MYO7A: variants seen among roughly 807,000 people sequenced by gnomAD.
MYO7A encodes the protein unconventional myosin-VIIa.
Under a neutral mutation model 263.8 loss-of-function variants are expected in MYO7A, and 210 were observed. The ratio of observed to expected loss-of-function variants is 0.80; its 90% CI spans 0.71 to 0.89. The LOEUF is 0.89. MYO7A is among the 40% of genes least tolerant of loss of function. The pLI, the probability that MYO7A is intolerant of heterozygous loss-of-function variation, is 0.00. For synonymous variants in MYO7A, 1,239 were observed against 1,197.3 expected, an observed-to-expected ratio of 1.03 and a Z score of -0.72; for missense variants, 2,820 against 2,968.3, an observed-to-expected ratio of 0.95 and a Z score of 1.16.
intron 35 of MYO7A, among the ~76,000 whole-genome samples, chr11:77,200,292 C>T (rs1348159866): frequency 6.6e-6 from 1 of 151,230 alleles, no homozygotes; most frequent in Admixed American, 6.6e-5. Flanking sequence ...AGAAAAGAAA[C>T]AAAGAGAAAA....
At chr11:77,143,455 G>C (rs1379884953) in intron 3 of MYO7A, among the ~76,000 whole-genome samples, 3 of 152,144 alleles carry the variant, frequency 2.0e-5, no homozygotes, top group African/African-American at 7.2e-5. Flanking sequence ...CAGAAGGAAA[G>C]GGACCCCAGA....
intron 2 of MYO7A, 145 bp downstream of exon 2, chr11:77,130,797 C>A: frequency 1.1e-6 from 1 of 902,014 alleles, no homozygotes; most frequent in Admixed American, 2.1e-5. Flanking sequence ...CAGGCTGAGG[C>A]CTAGTCTGAA....
chr11:77,205,367 G>C (rs1957373402), intron 39 of MYO7A, 95 bp from the exon 40 acceptor site: 1 of 1,416,180 alleles, frequency 7.1e-7, no homozygotes, highest in African/African-American at 1.4e-5. Context: ...GTGATGAGCA[G>C]CTGAGGGGTA....
intron 8 of MYO7A, among the ~76,000 whole-genome samples, 197 bp from the exon 9 acceptor site, chr11:77,158,080 T>C (rs1952665317): frequency 6.6e-6 from 1 of 152,162 alleles, no homozygotes; most frequent in South Asian, 2.1e-4. Flanking sequence ...AATGAGTTCC[T>C]GGGAAGCCCA....
chr11:77,211,672 G>A (rs1957887022), intron 45 of MYO7A, 149 bp from the exon 46 acceptor site: 2 of 640,598 alleles, frequency 3.1e-6, no homozygotes, highest in Admixed American at 5.5e-5. Context: ...CAGTCCCCAG[G>A]TCTGCTGTCC....
chr11:77,163,266 A>C (rs1953189620), intron 14 of MYO7A, among the ~76,000 whole-genome samples: 1 of 151,494 alleles, frequency 6.6e-6, no homozygotes, highest in African/African-American at 2.4e-5. Flanking sequence ...TCCTTCCCCT[A>C]CCCCCGGCCC....
At chr11:77,166,029 G>T (rs782135827) in intron 14 of MYO7A, 27 bp from the exon 15 acceptor site, 3 of 1,570,098 alleles carry the variant, frequency 1.9e-6, no homozygotes, top group Non-Finnish European at 2.6e-6. Context: ...GAGCTGGTGA[G>T]AGGTGACTGC....
rs370036829 is a variant in MYO7A, at chr11:77,190,730, G to A, written c.3784G>A (p.Val1262Met). ...TKSKKPIMLP[V>M]TFMDGTTKTL... ...GTCCAAGAAGCCAATCATGTTGCCCGTGACATTCATGGATGGGACCACCAA... is the reference window on the plus strand; with the variant it reads ...GTCCAAGAAGCCAATCATGTTGCCCATGACATTCATGGATGGGACCACCAA... The change falls in exon 30 of 49, where the codon GTG becomes ATG. Residue 1262 changes from valine to methionine, a missense_variant. Coordinates refer to ENST00000409709, the MANE Select transcript of MYO7A (RefSeq NM_000260.4). The A allele has an allele frequency of 3.8e-5, 60 of 1,598,962 alleles. No individual in the cohort carries two copies. The highest frequency in any genetic ancestry group is 3.3e-4 in the Middle Eastern group (2 of 6,046).
At chr11:77,195,000 A>C (rs1468365513) in intron 32 of MYO7A, among the ~76,000 whole-genome samples, 1 of 152,010 alleles carries the variant, frequency 6.6e-6, no homozygotes, top group Non-Finnish European at 1.5e-5. Context: ...GGCCAGGTAG[A>C]GCAGGGGTAT....
At position 77,155,906 on chromosome 11, in the gene MYO7A, G is replaced by T; in HGVS notation, c.286-1G>T. On this transcript the variant is annotated splice_acceptor_variant, in intron 4 of 48. Transcript: ENST00000409709. LOFTEE classifies it high-confidence loss of function. ...AGCTCCCCATCTCTTGCTGCCCGCA[G>T]ACGTATACGGGCTCCATCCTGGTGG... 6.3e-7 allele frequency: 1 copy of T among 1,593,564 alleles called. No individual in the cohort carries two copies.
intron 3 of MYO7A, among the ~76,000 whole-genome samples, chr11:77,146,455 G>A (rs533967823): frequency 2.6e-5 from 4 of 152,288 alleles, no homozygotes; most frequent in African/African-American, 9.6e-5. Context: ...AGTGAGAGAC[G>A]GTGGTCTCAA....
At chr11:77,180,798 G>C (rs1026641744) in intron 22 of MYO7A, among the ~76,000 whole-genome samples, 9 of 152,158 alleles carry the variant, frequency 5.9e-5, no homozygotes, top group Admixed American at 1.3e-4. Context: ...GCCCAATAGA[G>C]AGCCACCAGC....
intron 16 of MYO7A, 64 bp downstream of exon 16, chr11:77,172,949 G>C: frequency 6.7e-7 from 1 of 1,502,186 alleles, no homozygotes; most frequent in Non-Finnish European, 9.0e-7. Context: ...GCTAGGTCAA[G>C]AATAAGGTAG....
chr11:77,182,503 A>G lies in MYO7A; in HGVS notation c.3188A>G (p.Asp1063Gly), dbSNP rs1555085503. ...PEPKYHTAMS[D>G]GSEKIPVMTK... ...CCCAAGTACCACACAGCCATGAGTG[A>G]TGGCAGTGAGAAGATCCCTGTGATG... Residue 1063 changes from aspartate (D) to glycine (G), a missense_variant, in exon 25 of 49, where the codon GAT (aspartate) becomes GGT (glycine). By Grantham distance (94) the Asp-to-Gly change is moderately conservative (BLOSUM62 -1). Coordinates refer to ENST00000409709, the MANE Select transcript of MYO7A (RefSeq NM_000260.4). 3 of 1,612,070 alleles carry G rather than the reference A, an allele frequency of 1.9e-6. No individual in the cohort carries two copies. The highest frequency in any genetic ancestry group is 4.5e-5 in the East Asian group (2 of 44,878).
At chr11:77,181,906 T>C in intron 23 of MYO7A, 45 bp from the exon 24 acceptor site, 1 of 1,588,928 alleles carries the variant, frequency 6.3e-7, no homozygotes, top group Admixed American at 1.7e-5. Flanking sequence ...CACCTGAGCT[T>C]CCTGAGTAGC....
intron 10 of MYO7A, among the ~76,000 whole-genome samples, chr11:77,159,881 A>C (rs924944561): frequency 6.6e-6 from 1 of 152,228 alleles, no homozygotes; most frequent in Non-Finnish European, 1.5e-5. Flanking sequence ...TAGGGTTGGA[A>C]AACTGAGATG....
rs782289247 is a variant in MYO7A, at chr11:77,182,545, C to T, written c.3230C>T (p.Thr1077Ile). Residue 1077 changes from threonine (T) to isoleucine (I), a missense_variant, in exon 25 of 49, where the codon ACC becomes ATC. Physicochemically the swap from Thr to Ile is moderately conservative, Grantham distance 89. Transcript: ENST00000409709. ...CCTGTGATGACCAAGATTTATGAGA[C>T]CCTGGGCAAGAAGACGTACAAGAGG... ...KIPVMTKIYE[T>I]LGKKTYKREL... 6.2e-7 allele frequency: 1 copy of T among 1,613,258 alleles called. No homozygotes were observed. Among genetic ancestry groups the T allele is most frequent in the Non-Finnish European group, 8.5e-7 (1 of 1,179,878 alleles).
At chr11:77,208,625 G>A in intron 43 of MYO7A, 72 bp from the exon 44 acceptor site, 1 of 1,499,126 alleles carries the variant, frequency 6.7e-7, no homozygotes, top group Non-Finnish European at 9.1e-7. Flanking sequence ...GGCCTCCTCT[G>A]GGTCTGGGCT....
At chr11:77,139,016 A>G (rs536502291) in intron 2 of MYO7A, among the ~76,000 whole-genome samples, 2 of 152,302 alleles carry the variant, frequency 1.3e-5, no homozygotes, top group African/African-American at 4.8e-5. Flanking sequence ...CCTGTGGGGA[A>G]TTATTAATAT....
Sources: gnomAD v4.1 joint callset for allele counts (sites outside exome capture counted in the v4.1 genomes callset) on GRCh38, gnomAD v4.1.1 for gene constraint, MANE v1.5 for transcripts, NCBI Gene and HGNC (gene_info 2026-07-23, HGNC 2026-07-21) for gene names.